FOXK2: variants seen among roughly 807,000 people sequenced by gnomAD.
FOXK2 encodes the protein forkhead box K2, also known as forkhead box protein K2.
In FOXK2, 24 loss-of-function variants were observed where a neutral mutation model predicts 53.3. The ratio of observed to expected loss-of-function variants is 0.45; its 90% confidence interval spans 0.33 to 0.63. The LOEUF (loss-of-function observed/expected upper bound fraction) is 0.63. FOXK2 is among the 30% of genes least tolerant of loss of function. The pLI, the probability that FOXK2 is intolerant of heterozygous loss-of-function variation, is 0.03. For synonymous variants in FOXK2, 505 were observed against 407.1 expected, an observed-to-expected ratio of 1.24 and a Z score of -2.89; for missense variants, 952 against 910.5, an observed-to-expected ratio of 1.05 and a Z score of -0.59.
At position 82,551,975 on chromosome 17, in the gene FOXK2, C is replaced by G. The variant is rs193230331; in HGVS notation, c.420-11379C>G. On this transcript the variant is annotated intron_variant, in intron 1 of 8. Transcript: ENST00000335255. ...TCCTTGGACTGTGGGGAAGCACCTG[C>G]TGCACTCTGGGTGGTGGCAGCCTTG... 1.3e-3 allele frequency among the ~76,000 whole-genome samples: 197 copies of G among 152,322 alleles called. 1 individual carries two copies. The East Asian group carries it at 0.029, about 22-fold the overall frequency.
chr17:82,546,776 C>A (rs1028417439), intron 1 of FOXK2, among the ~76,000 whole-genome samples: 5 of 151,878 alleles, frequency 3.3e-5, no homozygotes, highest in African/African-American at 1.2e-4. Flanking sequence ...CTAAAACTCG[C>A]TTTTAAATAA....
chr17:82,600,660 G>A (rs2045373138), intron 8 of FOXK2: 1 of 152,318 alleles, frequency 6.6e-6, no homozygotes, highest in Admixed American at 6.5e-5. Flanking sequence ...TTGGCCTTTG[G>A]AATTAACTCA....
At chr17:82,539,254 C>G (rs12185240) in intron 1 of FOXK2, among the ~76,000 whole-genome samples, 8 of 92,522 alleles carry the variant, frequency 8.6e-5, no homozygotes, top group South Asian at 3.4e-4. Context: ...GCTCAGACCC[C>G]TAATCTCAGC....
chr17:82,572,848 GA>G (rs2044933740), intron 4 of FOXK2, among the ~76,000 whole-genome samples: 1 of 152,038 alleles, frequency 6.6e-6, no homozygotes, highest in Admixed American at 6.6e-5. Flanking sequence ...TATTGAAGGG[GA>G]AAAACCTTTT....
chr17:82,524,385 A>C (rs986151271), intron 1 of FOXK2, among the ~76,000 whole-genome samples: 1 of 152,238 alleles, frequency 6.6e-6, no homozygotes, highest in Admixed American at 6.5e-5. Context: ...GCAAGAGTAC[A>C]TAAGTAGTTT....
chr17:82,522,617 C>T (rs75642771), intron 1 of FOXK2, among the ~76,000 whole-genome samples: 22,522 of 151,698 alleles, frequency 0.15, 2,136 homozygotes, highest in East Asian at 0.32. Context: ...ATGATCTGCC[C>T]GCCTCGGCCT....
intron 4 of FOXK2, chr17:82,572,109 G>T (rs967415314): frequency 3.2e-5 from 12 of 375,372 alleles, no homozygotes; most frequent in South Asian, 1.1e-4. Flanking sequence ...CTTTACTGTT[G>T]TGGAAATTCA....
chr17:82,588,902 A>AAC (rs1042109414), intron 8 of FOXK2, among the ~76,000 whole-genome samples: 4 of 151,164 alleles, frequency 2.6e-5, no homozygotes, highest in African/African-American at 9.7e-5. Flanking sequence ...AAAAAAAAAA[A>AAC]AAACAAATTA....
chr17:82,555,335 A>G (rs540631894), intron 1 of FOXK2, among the ~76,000 whole-genome samples: 32 of 152,232 alleles, frequency 2.1e-4, no homozygotes, highest in African/African-American at 7.0e-4. Flanking sequence ...AACCCCCGGC[A>G]TCTGGTTTCG....
At chr17:82,601,120 G>A in intron 8 of FOXK2, 183 bp from the exon 9 acceptor site, 1 of 631,650 alleles carries the variant, frequency 1.6e-6, no homozygotes, top group Non-Finnish European at 2.7e-6. Context: ...GGCCACCGTG[G>A]GCCAGTCCCT....
At position 82,603,462 on chromosome 17, in the gene FOXK2, C is replaced by A. The variant is rs1487510512; in HGVS notation, c.*1963C>A. On this transcript the variant is annotated 3_prime_UTR_variant, in exon 9 of 9. Coordinates refer to ENST00000335255, the MANE Select transcript of FOXK2 (RefSeq NM_004514.4). Reference sequence around the variant, plus strand: ...AGACGAGCTCTTGAGCTCTAAGGAACAGTGAGGTCGCCGGTGGGGAGCTTG... The same window carrying A: ...AGACGAGCTCTTGAGCTCTAAGGAAAAGTGAGGTCGCCGGTGGGGAGCTTG... 6.6e-6 allele frequency: 1 copy of A among 152,188 alleles called. No individual in the cohort carries two copies. 9.4% of individuals were successfully genotyped at this position (152,188 alleles called of 1,614,324 possible). A position where few individuals can be genotyped will look rare whatever the true frequency, so the allele number is the denominator to read the frequency against.
At chr17:82,573,159 C>G (rs985968377) in intron 4 of FOXK2, among the ~76,000 whole-genome samples, 2 of 152,166 alleles carry the variant, frequency 1.3e-5, no homozygotes, top group South Asian at 4.2e-4. Flanking sequence ...CACCACTGCA[C>G]TCCAGCCTGG....
intron 8 of FOXK2, among the ~76,000 whole-genome samples, chr17:82,590,477 A>G (rs1201209443): frequency 1.3e-5 from 2 of 151,952 alleles, no homozygotes; most frequent in African/African-American, 2.4e-5. Context: ...CATGTACTTT[A>G]TGGTTATTTG....
rs764783461 is a variant in FOXK2 at position 82,586,106 on chromosome 17, C to T, written c.1482C>T (p.Tyr494=). Residue 494 remains tyrosine (Y), a synonymous_variant, in exon 7 of 9, where the codon TAC becomes TAT. Coordinates refer to ENST00000335255, the MANE Select transcript of FOXK2 (RefSeq NM_004514.4). The part of the protein sequence containing the change: ...SVAGLAPANT[Y]TVSGQAVVTP... ...CCGGACTGGCCCCAGCGAACACGTA[C>T]ACTGTCTCTGGACAAGCTGTGGTCA... 2 of 1,612,718 alleles carry T rather than the reference C, an allele frequency of 1.2e-6. No homozygotes were observed.
At chr17:82,537,173 G>T (rs1172212599) in intron 1 of FOXK2, among the ~76,000 whole-genome samples, 1 of 152,184 alleles carries the variant, frequency 6.6e-6, no homozygotes, top group Non-Finnish European at 1.5e-5. Context: ...TGCTGGGCTG[G>T]AGCTGCTGGT....
intron 1 of FOXK2, among the ~76,000 whole-genome samples, chr17:82,534,881 A>G (rs1044312482): frequency 6.6e-6 from 1 of 152,190 alleles, no homozygotes. Context: ...TTGAGTGCTG[A>G]AAAACACACA....
chr17:82,522,041 CTTTTTTTTT>C (rs924582731), intron 1 of FOXK2, among the ~76,000 whole-genome samples: 7 of 107,268 alleles, frequency 6.5e-5, no homozygotes, highest in Non-Finnish European at 1.1e-4. Context: ...TTTAATCTGA[CTTTTTTTTT>C]TTTTTTTTTT....
intron 1 of FOXK2, among the ~76,000 whole-genome samples, chr17:82,550,466 G>C (rs2044664732): frequency 6.6e-6 from 1 of 151,422 alleles, no homozygotes; most frequent in Admixed American, 6.6e-5. Flanking sequence ...TTGGCAGTAA[G>C]GCATTAAACT....
intron 8 of FOXK2, among the ~76,000 whole-genome samples, chr17:82,594,121 G>A (rs1477391448): frequency 6.6e-6 from 1 of 152,238 alleles, no homozygotes; most frequent in Non-Finnish European, 1.5e-5. Context: ...CTTGCTGCGT[G>A]TAGTACCCAC....
Sources: gnomAD v4.1 joint callset for allele counts (sites outside exome capture counted in the v4.1 genomes callset) on GRCh38, gnomAD v4.1.1 for gene constraint, MANE v1.5 for transcripts, NCBI Gene and HGNC (gene_info 2026-07-23, HGNC 2026-07-21) for gene names.